Variants in TNNI3K observed in about 807,000 individuals in gnomAD.
The protein encoded by TNNI3K is TNNI3 interacting kinase, also known as serine/threonine-protein kinase TNNI3K.
Under a neutral mutation model 114.5 loss-of-function variants are expected in TNNI3K, and 140 were observed. That is an observed-to-expected ratio of 1.22 (90% CI 1.07 to 1.41). TNNI3K has a LOEUF of 1.41. TNNI3K is among the 40% of genes most tolerant of loss of function. The pLI is 0.00. For synonymous variants in TNNI3K, 347 were observed against 347.5 expected (o/e 1.00, Z 0.02); for missense variants, 1,125 against 1,007.6 (o/e 1.12, Z -1.58).
chr1:74,250,583 C>A, intron 3 of TNNI3K, 89 bp from the exon 4 acceptor site: 2 of 1,231,320 alleles, frequency 1.6e-6, no homozygotes, highest in Non-Finnish European at 2.2e-6. Context: ...TTTTATACAG[C>A]TGTATGGCAT....
chr1:74,286,936 C>T (rs757529983), intron 5 of TNNI3K, among the ~76,000 whole-genome samples: 2 of 151,936 alleles, frequency 1.3e-5, no homozygotes, highest in Non-Finnish European at 2.9e-5. Flanking sequence ...TAAAAATAAT[C>T]ACCTTAAAGA....
At chr1:74,488,199 G>T (rs1668865861) in intron 21 of TNNI3K, among the ~76,000 whole-genome samples, 1 of 152,152 alleles carries the variant, frequency 6.6e-6, no homozygotes, top group African/African-American at 2.4e-5. Flanking sequence ...GTTTAGAGGA[G>T]AAACCATTTG....
chr1:74,518,530 C>G (rs1056585257), intron 23 of TNNI3K, among the ~76,000 whole-genome samples: 7 of 152,080 alleles, frequency 4.6e-5, no homozygotes, highest in Non-Finnish European at 8.8e-5. Flanking sequence ...TAGGGTGGCT[C>G]TATGGTTCCC....
At chr1:74,252,943 G>GC (rs113572864) in intron 4 of TNNI3K, among the ~76,000 whole-genome samples, 5 of 152,154 alleles carry the variant, frequency 3.3e-5, no homozygotes, top group Admixed American at 1.3e-4. Context: ...CTCTTATCTG[G>GC]CCCCCACCCA....
chr1:74,372,769 T>G, intron 17 of TNNI3K: 1 of 151,882 alleles, frequency 6.6e-6, no homozygotes, highest in South Asian at 2.1e-4. Context: ...TTATATATTC[T>G]GTTGCCCTGA....
At chr1:74,375,508 T>C in intron 17 of TNNI3K, 1 of 451,562 alleles carries the variant, frequency 2.2e-6, no homozygotes, top group Admixed American at 2.4e-5. Flanking sequence ...CCCAGATTGC[T>C]TCTGGGGATA....
At position 74,543,925 on chromosome 1, in the gene TNNI3K, G is replaced by C. The variant is rs2100472464; in HGVS notation, c.2451G>C (p.Met817Ile). ...ATGCAGGCTATGTATCCGATCCCATGAGCTCAATGCATTTTCATTCTTGCC... is the reference window on the plus strand; with the variant it reads ...ATGCAGGCTATGTATCCGATCCCATCAGCTCAATGCATTTTCATTCTTGCC... ...IDKYGYVSDP[M>I]SSMHFHSCRN... is the part of the protein sequence containing the mutation. The change falls in exon 25 of 25, where the codon ATG becomes ATC. Residue 817 changes from methionine to isoleucine, a missense_variant. Coordinates refer to ENST00000326637, the MANE Select transcript of TNNI3K (RefSeq NM_015978.3). 2 of 1,613,476 alleles carry C rather than the reference G, an allele frequency of 1.2e-6. No homozygotes were observed. Among genetic ancestry groups the C allele is most frequent in the East Asian group, 4.5e-5 (2 of 44,836 alleles).
intron 17 of TNNI3K, among the ~76,000 whole-genome samples, chr1:74,400,236 T>C (rs943239584): frequency 6.6e-6 from 1 of 152,180 alleles, no homozygotes; most frequent in Admixed American, 6.5e-5. Context: ...GGTTAGCTTT[T>C]AGGCTAGTCA....
intron 23 of TNNI3K, among the ~76,000 whole-genome samples, chr1:74,501,542 A>G (rs1669633103): frequency 6.6e-6 from 1 of 152,012 alleles, no homozygotes; most frequent in Non-Finnish European, 1.5e-5. Flanking sequence ...GCTAGAGTGC[A>G]GTGGCACAAT....
intron 5 of TNNI3K, among the ~76,000 whole-genome samples, chr1:74,273,273 T>A (rs937259291): frequency 6.6e-6 from 1 of 151,926 alleles, no homozygotes; most frequent in African/African-American, 2.4e-5. Flanking sequence ...ATAAATCCTT[T>A]TAGTGAGATT....
chr1:74,465,146 G>A (rs199818774), intron 21 of TNNI3K, among the ~76,000 whole-genome samples: 7 of 152,172 alleles, frequency 4.6e-5, no homozygotes, highest in East Asian at 1.9e-4. Context: ...ACTCACTCTC[G>A]GGGCCTCCTT....
At chr1:74,290,392 A>G (rs1239317885) in intron 5 of TNNI3K, among the ~76,000 whole-genome samples, 1 of 151,732 alleles carries the variant, frequency 6.6e-6, no homozygotes, top group African/African-American at 2.4e-5. Flanking sequence ...TGTCAGAATT[A>G]TGATGCAAAC....
At chr1:74,388,583 A>T (rs1663608345) in intron 17 of TNNI3K, among the ~76,000 whole-genome samples, 1 of 152,198 alleles carries the variant, frequency 6.6e-6, no homozygotes, top group Non-Finnish European at 1.5e-5. Context: ...TTAGGTAGGA[A>T]GGAAACATTA....
intron 6 of TNNI3K, among the ~76,000 whole-genome samples, chr1:74,332,742 G>A (rs576101594): frequency 6.6e-6 from 1 of 152,098 alleles, no homozygotes; most frequent in Non-Finnish European, 1.5e-5. Context: ...TTGTTTTGCT[G>A]TACCAAAGTA....
At chr1:74,522,010 G>C (rs1181782776) in intron 23 of TNNI3K, among the ~76,000 whole-genome samples, 5 of 152,084 alleles carry the variant, frequency 3.3e-5, no homozygotes, top group Non-Finnish European at 7.4e-5. Flanking sequence ...TCAGATGAGG[G>C]AGATATATCA....
At chr1:74,382,614 A>C (rs1663259026) in intron 17 of TNNI3K, among the ~76,000 whole-genome samples, 1 of 152,200 alleles carries the variant, frequency 6.6e-6, no homozygotes, top group East Asian at 1.9e-4. Flanking sequence ...GCATGGAGGA[A>C]AGAGCATGCA....
intron 5 of TNNI3K, among the ~76,000 whole-genome samples, chr1:74,311,049 A>C (rs1468182984): frequency 6.6e-6 from 1 of 152,160 alleles, no homozygotes; most frequent in Non-Finnish European, 1.5e-5. Context: ...TTAAAGATAT[A>C]TGTTTCAAAT....
At chr1:74,335,943 T>C in intron 6 of TNNI3K, 68 bp from the exon 7 acceptor site, 1 of 1,492,370 alleles carries the variant, frequency 6.7e-7, no homozygotes, top group South Asian at 1.5e-5. Context: ...TGTGTTCTTG[T>C]ATACTGCCAA....
intron 17 of TNNI3K, among the ~76,000 whole-genome samples, chr1:74,378,463 G>A (rs1321218778): frequency 2.6e-5 from 4 of 151,194 alleles, no homozygotes; most frequent in East Asian, 2.0e-4. Flanking sequence ...CATCTTCAAC[G>A]TGTGACTTCT....
Sources: allele counts gnomAD v4.1 joint callset (sites outside exome capture counted in the v4.1 genomes callset), GRCh38; gene constraint gnomAD v4.1.1; transcripts MANE v1.5; gene names NCBI Gene and HGNC (gene_info 2026-07-23, HGNC 2026-07-21).